Variants in KCNH7 observed in about 807,000 individuals in gnomAD.
KCNH7 encodes potassium voltage-gated channel subfamily H member 7, also known as voltage-gated inwardly rectifying potassium channel KCNH7.
In KCNH7, 49 loss-of-function variants were observed where a neutral mutation model predicts 120.8. The ratio of observed to expected loss-of-function variants is 0.41; its 90% CI spans 0.32 to 0.51. KCNH7 has a LOEUF of 0.51. Ranked by LOEUF, KCNH7 falls within the 20% of genes least tolerant of loss-of-function variation. The probability of loss-of-function intolerance (pLI) is 0.38; values close to 1 mark genes in which losing one functional copy is unlikely to be tolerated. For missense variants in KCNH7, 1,097 were observed against 1,446.6 expected, an observed-to-expected ratio of 0.76 and a Z score of 3.92; for synonymous variants, 547 against 516.1, an observed-to-expected ratio of 1.06 and a Z score of -0.81.
chr2:162,763,807 T>C (rs1404379750), intron 2 of KCNH7, among the ~76,000 whole-genome samples: 1 of 151,560 alleles, frequency 6.6e-6, no homozygotes, highest in Non-Finnish European at 1.5e-5. Context: ...TTATGCTTAT[T>C]GGTTCTTTCA....
intron 12 of KCNH7, among the ~76,000 whole-genome samples, chr2:162,391,378 G>C (rs1019821755): frequency 6.6e-6 from 1 of 152,056 alleles, no homozygotes; most frequent in Non-Finnish European, 1.5e-5. Flanking sequence ...GGATGACAGG[G>C]ACTAAATTGC....
At position 162,632,252 on chromosome 2, in the gene KCNH7, C is replaced by T. The variant is rs1683797995; in HGVS notation, c.308-95172G>A. 2.0e-5 allele frequency among the ~76,000 whole-genome samples: 3 copies of T among 151,852 alleles called. No individual in the cohort carries two copies. The South Asian group carries it at 6.2e-4, about 31-fold the overall frequency. On this transcript the variant is annotated intron_variant, in intron 2 of 15. Coordinates refer to ENST00000332142, the MANE Select transcript of KCNH7 (RefSeq NM_033272.4). The stretch of plus-strand genomic sequence containing the variant: ...AGAAAATTTAATGGAAAAATAGTAT[C>T]ATTGGTAATAGCAACAACAACACAG...
intron 2 of KCNH7, among the ~76,000 whole-genome samples, chr2:162,663,244 T>C (rs1685027510): frequency 6.6e-6 from 1 of 152,222 alleles, no homozygotes; most frequent in South Asian, 2.1e-4. Flanking sequence ...CTGTTGAATA[T>C]GCATTTTAAG....
chr2:162,622,805 G>A (rs765406225), intron 2 of KCNH7, among the ~76,000 whole-genome samples: 1 of 152,164 alleles, frequency 6.6e-6, no homozygotes, highest in Non-Finnish European at 1.5e-5. Flanking sequence ...ATTAGGGGAT[G>A]TGACTAGGAA....
intron 2 of KCNH7, among the ~76,000 whole-genome samples, chr2:162,683,381 T>C (rs940060742): frequency 6.6e-6 from 1 of 151,934 alleles, no homozygotes; most frequent in South Asian, 2.1e-4. Flanking sequence ...GAAAAATTTC[T>C]ACTTGAAAGT....
chr2:162,678,920 T>G (rs1004533501), intron 2 of KCNH7, among the ~76,000 whole-genome samples: 1 of 151,638 alleles, frequency 6.6e-6, no homozygotes, highest in Non-Finnish European at 1.5e-5. Flanking sequence ...TATTTATACC[T>G]AAAATTGACC....
At chr2:162,417,918 G>A (rs1209357257) in intron 9 of KCNH7, among the ~76,000 whole-genome samples, 1 of 152,104 alleles carries the variant, frequency 6.6e-6, no homozygotes, top group Non-Finnish European at 1.5e-5. Flanking sequence ...AGAACTGTAG[G>A]GTAAGTAGCC....
intron 7 of KCNH7, among the ~76,000 whole-genome samples, chr2:162,445,621 A>T (rs1688553721): frequency 6.6e-6 from 1 of 152,178 alleles, no homozygotes; most frequent in Non-Finnish European, 1.5e-5. Context: ...CTCTTCACAT[A>T]ATTTGAACAA....
intron 2 of KCNH7, among the ~76,000 whole-genome samples, chr2:162,778,555 T>C (rs1404885152): frequency 6.6e-6 from 1 of 152,206 alleles, no homozygotes; most frequent in Admixed American, 6.5e-5. Flanking sequence ...TTATTATCAG[T>C]GCCTGCACAG....
At chr2:162,731,517 T>C in intron 2 of KCNH7, among the ~76,000 whole-genome samples, 1 of 151,912 alleles carries the variant, frequency 6.6e-6, no homozygotes, top group East Asian at 1.9e-4. Context: ...GCTACAGGTA[T>C]TAATTTGGGT....
In KCNH7 at chr2:162,720,322, A is replaced by AAG. The variant is rs1273387875; in HGVS notation, c.307+116213_307+116214dup. Among the ~76,000 whole-genome samples, 69 of 140,436 alleles carry AAG rather than the reference A, an allele frequency of 4.9e-4. 2 individuals are homozygous for AAG. The highest frequency in any genetic ancestry group is 2.1e-3 in the East Asian group (10 of 4,714). 92.1% of individuals were successfully genotyped at this position (140,436 alleles called of 152,430 possible). On this transcript the variant is annotated intron_variant, in intron 2 of 15. Transcript: ENST00000332142. ...ATTAAAAAAAAAAAAAAAAAAAAAA[A>AAG]AGAGAGAGAGAGGGAGAGAGAGAAA...
intron 2 of KCNH7, among the ~76,000 whole-genome samples, chr2:162,727,727 T>G (rs867950520): frequency 6.6e-6 from 1 of 152,194 alleles, no homozygotes; most frequent in Non-Finnish European, 1.5e-5. Flanking sequence ...CATACTTTCT[T>G]GTTGATGAAC....
intron 2 of KCNH7, among the ~76,000 whole-genome samples, chr2:162,820,112 T>A (rs1231495790): frequency 7.1e-6 from 1 of 141,088 alleles, no homozygotes; most frequent in Non-Finnish European, 1.5e-5. Context: ...CTATCTCAGC[T>A]CACTGCAAAT....
At chr2:162,684,007 A>C (rs573653686) in intron 2 of KCNH7, among the ~76,000 whole-genome samples, 1 of 152,104 alleles carries the variant, frequency 6.6e-6, no homozygotes, top group Non-Finnish European at 1.5e-5. Context: ...AGAGATATAG[A>C]CCAATGGAAC....
chr2:162,553,966 T>C (rs1024274513), intron 2 of KCNH7, among the ~76,000 whole-genome samples: 4 of 152,240 alleles, frequency 2.6e-5, no homozygotes, highest in African/African-American at 9.6e-5. Flanking sequence ...GGTAACAATC[T>C]TAGAATCTAG....
chr2:162,397,497 T>C (rs1051605328), intron 10 of KCNH7, among the ~76,000 whole-genome samples: 4 of 151,840 alleles, frequency 2.6e-5, no homozygotes, highest in Non-Finnish European at 5.9e-5. Context: ...TAAATCTAGT[T>C]ATAATTCTCA....
intron 2 of KCNH7, among the ~76,000 whole-genome samples, chr2:162,780,576 C>T (rs1683441860): frequency 6.6e-6 from 1 of 152,114 alleles, no homozygotes; most frequent in Admixed American, 6.6e-5. Context: ...TGACAATGTC[C>T]AAACACAACT....
At chr2:162,384,615 C>T (rs1573897614) in intron 13 of KCNH7, 73 bp downstream of exon 13, 1 of 1,416,038 alleles carries the variant, frequency 7.1e-7, no homozygotes. Flanking sequence ...CAGTACAGTT[C>T]TTAATTTGTA....
chr2:162,679,204 T>C (rs1328002352), intron 2 of KCNH7, among the ~76,000 whole-genome samples: 1 of 151,492 alleles, frequency 6.6e-6, no homozygotes, highest in East Asian at 1.9e-4. Context: ...TGATAGAAAA[T>C]ACTTTCTCAG....
Sources: allele counts gnomAD v4.1 joint callset (sites outside exome capture counted in the v4.1 genomes callset), GRCh38; gene constraint gnomAD v4.1.1; transcripts MANE v1.5; gene names NCBI Gene and HGNC (gene_info 2026-07-23, HGNC 2026-07-21).